The following NXPH2 variants were observed in gnomAD, a reference collection of about 807,000 sequenced individuals.
NXPH2 encodes neurexophilin-2.
NXPH2 carries 5 observed loss-of-function variants against 19.8 expected under a neutral mutation model. That is an observed-to-expected ratio of 0.25 (90% confidence interval 0.13 to 0.53). NXPH2 has a LOEUF of 0.53. NXPH2 is among the 20% of genes least tolerant of loss of function. The pLI, the probability that NXPH2 is intolerant of heterozygous loss-of-function variation, is 0.96. For missense variants in NXPH2, 289 were observed against 322.8 expected, an observed-to-expected ratio of 0.90 and a Z score of 0.80; for synonymous variants, 154 against 127.4, an observed-to-expected ratio of 1.21 and a Z score of -1.41.
intron 1 of NXPH2, among the ~76,000 whole-genome samples, chr2:138,717,035 T>A (rs946999854): frequency 6.6e-6 from 1 of 152,186 alleles, no homozygotes; most frequent in African/African-American, 2.4e-5. Context: ...AAAGAATTCT[T>A]TGGTGTGATA....
chr2:138,754,754 A>G (rs1050437912), intron 1 of NXPH2, among the ~76,000 whole-genome samples: 8 of 152,198 alleles, frequency 5.3e-5, no homozygotes, highest in Non-Finnish European at 1.0e-4. Context: ...TAGCTTTATA[A>G]GAAGCTGTCA....
At chr2:138,720,512 G>A (rs1023193619) in intron 1 of NXPH2, among the ~76,000 whole-genome samples, 1 of 152,206 alleles carries the variant, frequency 6.6e-6, no homozygotes, top group African/African-American at 2.4e-5. Context: ...GTGTGAAGAC[G>A]TAATTGACAG....
chr2:138,709,502 T>C (rs140334394), intron 1 of NXPH2, among the ~76,000 whole-genome samples: 8 of 151,672 alleles, frequency 5.3e-5, no homozygotes, highest in Non-Finnish European at 8.8e-5. Flanking sequence ...TGTGGTGCAT[T>C]TGTTACAATC....
At chr2:138,686,775 C>T (rs1175970157) in intron 1 of NXPH2, among the ~76,000 whole-genome samples, 2 of 152,092 alleles carry the variant, frequency 1.3e-5, no homozygotes, top group African/African-American at 4.8e-5. Context: ...TTGTTCAATT[C>T]CCACCTATGA....
chr2:138,724,523 A>G (rs1358319094), intron 1 of NXPH2, among the ~76,000 whole-genome samples: 5 of 152,234 alleles, frequency 3.3e-5, no homozygotes, highest in South Asian at 2.1e-4. Flanking sequence ...GGCAGAGCTC[A>G]ACAGGTCATT....
chr2:138,713,177 T>C (rs1010170497), intron 1 of NXPH2, among the ~76,000 whole-genome samples: 2 of 152,334 alleles, frequency 1.3e-5, no homozygotes, highest in East Asian at 3.9e-4. Flanking sequence ...CCACTGCCGA[T>C]GGTTCTTCTG....
intron 1 of NXPH2, among the ~76,000 whole-genome samples, chr2:138,759,824 G>A (rs972796132): frequency 3.3e-5 from 5 of 149,616 alleles, no homozygotes; most frequent in African/African-American, 1.2e-4. Flanking sequence ...CCGCCTCCCA[G>A]GTTCACGCCA....
intron 1 of NXPH2, among the ~76,000 whole-genome samples, chr2:138,721,460 A>G (rs1681278533): frequency 1.3e-5 from 2 of 152,128 alleles, no homozygotes; most frequent in Non-Finnish European, 2.9e-5. Context: ...TTTATATTAT[A>G]GAAGTTTGTT....
intron 1 of NXPH2, among the ~76,000 whole-genome samples, chr2:138,685,690 T>C (rs1184677099): frequency 6.6e-6 from 1 of 152,202 alleles, no homozygotes; most frequent in East Asian, 1.9e-4. Flanking sequence ...TTTATTGATG[T>C]TCTACTAAAT....
chr2:138,745,143 C>T (rs1039341685), intron 1 of NXPH2, among the ~76,000 whole-genome samples: 1 of 152,180 alleles, frequency 6.6e-6, no homozygotes, highest in African/African-American at 2.4e-5. Context: ...TGTAGCTGGG[C>T]ATGCCAGGTG....
chr2:138,719,498 T>TAA (rs1265773634), intron 1 of NXPH2, among the ~76,000 whole-genome samples: 1 of 152,202 alleles, frequency 6.6e-6, no homozygotes, highest in Non-Finnish European at 1.5e-5. Flanking sequence ...TTTCATACTT[T>TAA]TTAATTACAA....
At chr2:138,729,119 T>C (rs930236181) in intron 1 of NXPH2, among the ~76,000 whole-genome samples, 2 of 146,664 alleles carry the variant, frequency 1.4e-5, no homozygotes, top group African/African-American at 5.2e-5. Flanking sequence ...TCCCACTGTC[T>C]CCTTCTCCTC....
chr2:138,721,033 T>C (rs755912262), intron 1 of NXPH2, among the ~76,000 whole-genome samples: 11 of 152,192 alleles, frequency 7.2e-5, no homozygotes, highest in Non-Finnish European at 1.3e-4. Context: ...AATACTTTTG[T>C]ATTGTGAAAT....
intron 1 of NXPH2, among the ~76,000 whole-genome samples, chr2:138,725,538 A>G (rs1371705061): frequency 6.6e-6 from 1 of 152,224 alleles, no homozygotes; most frequent in Non-Finnish European, 1.5e-5. Context: ...AGCTAAAATC[A>G]TGGTTTCATG....
At chr2:138,732,567 A>T (rs1490934557) in intron 1 of NXPH2, among the ~76,000 whole-genome samples, 2 of 152,122 alleles carry the variant, frequency 1.3e-5, no homozygotes, top group East Asian at 3.9e-4. Context: ...CTGAGGCTTC[A>T]TTCCTGTGCC....
chr2:138,691,078 C>A (rs570128760), intron 1 of NXPH2, among the ~76,000 whole-genome samples: 3 of 152,118 alleles, frequency 2.0e-5, no homozygotes, highest in Non-Finnish European at 4.4e-5. Context: ...GTGGTGAATT[C>A]TGAGAATTGC....
rs942561799 is a variant in NXPH2, at chr2:138,780,275, C to G, written c.-34G>C. ...CTGGCGCGGCTTTTCACGAGCTGCG[C>G]GCCCTCGCCTGCCTCTCGCGCATCT... On this transcript the variant is annotated 5_prime_UTR_variant, in exon 1 of 2. Coordinates refer to ENST00000272641, the MANE Select transcript of NXPH2 (RefSeq NM_007226.3). 4.0e-5 allele frequency: 56 copies of G among 1,406,824 alleles called. No individual in the cohort carries two copies. The African/African-American group carries it at 4.7e-4, about 12-fold the overall frequency. 87.1% of individuals were successfully genotyped at this position (1,406,824 alleles called of 1,614,324 possible).
intron 1 of NXPH2, among the ~76,000 whole-genome samples, chr2:138,726,499 T>A (rs1344758987): frequency 6.9e-6 from 1 of 145,872 alleles, no homozygotes. Context: ...TGCATCTTTT[T>A]GGAAAAAAGT....
intron 1 of NXPH2, among the ~76,000 whole-genome samples, chr2:138,724,025 T>G (rs1158182940): frequency 7.9e-5 from 12 of 151,936 alleles, no homozygotes. Flanking sequence ...TTGTACAGAT[T>G]ATTTCATCAC....
Sources: allele counts gnomAD v4.1 joint callset (sites outside exome capture counted in the v4.1 genomes callset), GRCh38; gene constraint gnomAD v4.1.1; transcripts MANE v1.5; gene names NCBI Gene and HGNC (gene_info 2026-07-23, HGNC 2026-07-21).